CNTN5: variants seen among roughly 807,000 people sequenced by gnomAD.
The protein encoded by CNTN5 is contactin 5, also known as contactin-5.
A neutral mutation model predicts 129.1 loss-of-function variants in CNTN5; 77 were observed. The observed-to-expected ratio is 0.60, with a 90% confidence interval of 0.50 to 0.72. The LOEUF is 0.72. CNTN5 is among the 30% of genes least tolerant of loss of function. The pLI, the probability that CNTN5 is intolerant of heterozygous loss-of-function variation, is 0.00. For synonymous variants in CNTN5, 509 were observed against 465.6 expected (o/e 1.09, Z -1.20); for missense variants, 1,478 against 1,328.8 (o/e 1.11, Z -1.75).
At chr11:99,632,384 A>G (rs1223340171) in intron 3 of CNTN5, among the ~76,000 whole-genome samples, 4 of 152,000 alleles carry the variant, frequency 2.6e-5, no homozygotes, top group Admixed American at 2.0e-4. Context: ...TAAACATGTC[A>G]TTTTTCCCAT....
chr11:100,168,024 A>T (rs1349184969), intron 13 of CNTN5, among the ~76,000 whole-genome samples: 1 of 151,884 alleles, frequency 6.6e-6, no homozygotes, highest in Non-Finnish European at 1.5e-5. Flanking sequence ...CCTTAAACTA[A>T]ATCCTACTCT....
At chr11:99,303,221 A>G (rs1209716342) in intron 1 of CNTN5, among the ~76,000 whole-genome samples, 1 of 151,870 alleles carries the variant, frequency 6.6e-6, no homozygotes, top group Non-Finnish European at 1.5e-5. Context: ...GAAGACAGTT[A>G]ATTTCTAAAT....
chr11:99,961,931 C>A (rs560022378), intron 8 of CNTN5, among the ~76,000 whole-genome samples: 1 of 152,100 alleles, frequency 6.6e-6, no homozygotes, highest in African/African-American at 2.4e-5. Context: ...GGGGAACTCA[C>A]ACCAACTTGC....
At position 99,837,176 on chromosome 11, in the gene CNTN5, C is replaced by G. The variant is rs141260419; in HGVS notation, c.278-7676C>G. On this transcript the variant is annotated intron_variant, in intron 4 of 24. Coordinates refer to ENST00000524871, the MANE Select transcript of CNTN5 (RefSeq NM_014361.4). Reference sequence around the variant, plus strand: ...AGCCTCTGTTCACGATGGAGTTGCTCTGTTTCAAATGTTTCTGATGATGAT... The same window carrying G: ...AGCCTCTGTTCACGATGGAGTTGCTGTGTTTCAAATGTTTCTGATGATGAT... Among the ~76,000 whole-genome samples, 1,218 of 152,226 alleles carry G rather than the reference C, an allele frequency of 8.0e-3. 17 individuals are homozygous for G. Among genetic ancestry groups the G allele is most frequent in the African/African-American group, 0.028 (1,175 of 41,536 alleles).
chr11:99,318,082 G>T (rs961927324), intron 1 of CNTN5, among the ~76,000 whole-genome samples: 6 of 152,018 alleles, frequency 3.9e-5, no homozygotes, highest in Admixed American at 1.3e-4. Flanking sequence ...ACAATGAAAA[G>T]ATTTTTAAAC....
chr11:99,105,695 G>C (rs566050644), intron 1 of CNTN5, among the ~76,000 whole-genome samples: 1 of 152,206 alleles, frequency 6.6e-6, no homozygotes, highest in African/African-American at 2.4e-5. Context: ...CCCACTTCCA[G>C]GATAATAGAA....
chr11:99,342,626 G>C (rs1300977415), intron 2 of CNTN5, among the ~76,000 whole-genome samples: 1 of 141,386 alleles, frequency 7.1e-6, no homozygotes, highest in African/African-American at 2.7e-5. Flanking sequence ...ACACGTGCCT[G>C]TGATCCCAGC....
At chr11:99,407,121 T>C (rs1942108619) in intron 2 of CNTN5, among the ~76,000 whole-genome samples, 1 of 152,108 alleles carries the variant, frequency 6.6e-6, no homozygotes, top group Non-Finnish European at 1.5e-5. Context: ...CGAGCAATAG[T>C]AGTTTTGCCC....
At chr11:99,423,092 T>C (rs953599088) in intron 2 of CNTN5, among the ~76,000 whole-genome samples, 8 of 152,056 alleles carry the variant, frequency 5.3e-5, no homozygotes, top group Admixed American at 2.0e-4. Flanking sequence ...CACCTTTACG[T>C]AGAGCCAAGC....
At chr11:99,834,556 T>A (rs1350139853) in intron 4 of CNTN5, among the ~76,000 whole-genome samples, 8 of 152,106 alleles carry the variant, frequency 5.3e-5, no homozygotes, top group Admixed American at 5.2e-4. Flanking sequence ...CAGCAAACGA[T>A]TGCACTTTTA....
intron 21 of CNTN5, chr11:100,309,795 G>T: frequency 1.6e-6 from 1 of 644,620 alleles, no homozygotes; most frequent in East Asian, 1.4e-4. Flanking sequence ...GGAGGGACAC[G>T]TGCCTCCTCC....
At chr11:100,069,280 G>C (rs1255348344) in intron 10 of CNTN5, among the ~76,000 whole-genome samples, 1 of 151,936 alleles carries the variant, frequency 6.6e-6, no homozygotes, top group Non-Finnish European at 1.5e-5. Flanking sequence ...AACCTTCCAA[G>C]TGGCTGGACC....
intron 6 of CNTN5, among the ~76,000 whole-genome samples, chr11:99,857,704 T>C (rs544342622): frequency 2.8e-4 from 42 of 152,240 alleles, no homozygotes; most frequent in African/African-American, 9.9e-4. Context: ...CAAACTAAGA[T>C]ACCCCCGAAA....
At chr11:99,898,395 A>C (rs988872475) in intron 6 of CNTN5, among the ~76,000 whole-genome samples, 1 of 152,036 alleles carries the variant, frequency 6.6e-6, no homozygotes, top group Non-Finnish European at 1.5e-5. Context: ...AACTGATACC[A>C]GAAAAACAAA....
At chr11:99,968,995 A>C (rs1385494810) in intron 8 of CNTN5, among the ~76,000 whole-genome samples, 4 of 152,080 alleles carry the variant, frequency 2.6e-5, no homozygotes, top group African/African-American at 9.7e-5. Flanking sequence ...AAATTAAAAC[A>C]TCAAAAAAAT....
chr11:99,760,175 G>A (rs987630825), intron 3 of CNTN5, among the ~76,000 whole-genome samples: 3 of 152,144 alleles, frequency 2.0e-5, no homozygotes, highest in Non-Finnish European at 4.4e-5. Flanking sequence ...TAAGCAGGTG[G>A]TGTGAAGTGT....
chr11:100,102,527 A>C (rs1242157962), intron 13 of CNTN5, among the ~76,000 whole-genome samples: 1 of 151,964 alleles, frequency 6.6e-6, no homozygotes, highest in African/African-American at 2.4e-5. Context: ...GAATGTCCTG[A>C]AAATACAGTT....
intron 2 of CNTN5, among the ~76,000 whole-genome samples, chr11:99,394,360 C>G (rs1225583748): frequency 6.6e-6 from 1 of 151,420 alleles, no homozygotes; most frequent in Admixed American, 6.6e-5. Context: ...TTACAACAAA[C>G]AAAAGAATTA....
At chr11:100,119,869 T>C (rs1945956765) in intron 13 of CNTN5, among the ~76,000 whole-genome samples, 1 of 151,952 alleles carries the variant, frequency 6.6e-6, no homozygotes, top group African/African-American at 2.4e-5. Context: ...ACTGCCTGAA[T>C]TAGGCAAATA....
Sources: gnomAD v4.1 joint callset for allele counts (sites outside exome capture counted in the v4.1 genomes callset) on GRCh38, gnomAD v4.1.1 for gene constraint, MANE v1.5 for transcripts, NCBI Gene and HGNC (gene_info 2026-07-23, HGNC 2026-07-21) for gene names.